ALK: variants seen among roughly 807,000 people sequenced by gnomAD.
ALK encodes the protein ALK receptor tyrosine kinase, also known as ALK tyrosine kinase receptor.
Under a neutral mutation model 163.1 loss-of-function variants are expected in ALK, and 74 were observed. The observed-to-expected ratio is 0.45, with a 90% CI of 0.38 to 0.55. The LOEUF is 0.55. Among genes scored for constraint, ALK ranks in the 20% least tolerant of loss-of-function variants. The pLI, the probability that ALK is intolerant of heterozygous loss-of-function variation, is 0.00. For missense variants in ALK, 2,063 were observed against 2,105.3 expected, an observed-to-expected ratio of 0.98 and a Z score of 0.39; for synonymous variants, 960 against 843.2, an observed-to-expected ratio of 1.14 and a Z score of -2.40.
chr2:29,327,620 T>G (rs969606646), intron 6 of ALK, among the ~76,000 whole-genome samples: 17 of 152,196 alleles, frequency 1.1e-4, no homozygotes, highest in African/African-American at 4.1e-4. Flanking sequence ...ATAAAAATGT[T>G]CTAAAATAAA....
At chr2:29,273,996 G>T (rs910987364) in intron 11 of ALK, among the ~76,000 whole-genome samples, 1 of 152,142 alleles carries the variant, frequency 6.6e-6, no homozygotes, top group Admixed American at 6.5e-5. Flanking sequence ...AATATACAAA[G>T]GTCTTTCATG....
intron 3 of ALK, among the ~76,000 whole-genome samples, chr2:29,590,543 A>G (rs1035710225): frequency 2.0e-5 from 3 of 152,114 alleles, no homozygotes; most frequent in Non-Finnish European, 4.4e-5. Context: ...CCTCCACCCT[A>G]GATATCTGAT....
chr2:29,480,898 C>G (rs867789347), intron 4 of ALK, among the ~76,000 whole-genome samples: 3 of 151,152 alleles, frequency 2.0e-5, no homozygotes, highest in Middle Eastern at 3.4e-3. Context: ...TTCACCAGGT[C>G]TGGGCAAGGC....
chr2:29,317,423 G>C (rs1558667110), intron 8 of ALK, among the ~76,000 whole-genome samples: 1 of 152,210 alleles, frequency 6.6e-6, no homozygotes, highest in Non-Finnish European at 1.5e-5. Flanking sequence ...GGAGCTTACA[G>C]TCTGATTTCT....
rs114481328 is a variant in ALK at position 29,642,724 on chromosome 2, A to G, written c.952+52126T>C. Among the ~76,000 whole-genome samples the G allele has an allele frequency of 4.4e-3, 670 of 152,306 alleles. 8 individuals are homozygous for G. The highest frequency in any genetic ancestry group is 0.014 in the African/African-American group (577 of 41,564). ...AGCTCTTCTTTAAAAAAAGAAAAAC[A>G]GGCAAATCAAAATAAGCAACAACAA... is the stretch of plus-strand genomic sequence containing the variant. On this transcript the variant is annotated intron_variant, in intron 3 of 28. Coordinates refer to ENST00000389048, the MANE Select transcript of ALK (RefSeq NM_004304.5).
At chr2:29,320,268 T>C (rs1399878980) in intron 7 of ALK, among the ~76,000 whole-genome samples, 1 of 151,598 alleles carries the variant, frequency 6.6e-6, no homozygotes, top group Non-Finnish European at 1.5e-5. Flanking sequence ...AGGGGTGAGG[T>C]AGGGGGATGG....
rs150136805 is a variant in ALK, at chr2:29,295,816, C to A, written c.1817+1072G>T. Among the ~76,000 whole-genome samples the A allele has an allele frequency of 1.8e-3, 269 of 152,336 alleles. 2 individuals are homozygous for A. Among genetic ancestry groups the A allele is most frequent in the African/African-American group, 6.2e-3 (258 of 41,570 alleles). On this transcript the variant is annotated intron_variant, in intron 9 of 28. Transcript: ENST00000389048. ...TTGATTGTGTTTTAGGAGTCTCAGG[C>A]AGAGGCTGCTGTGGGTTGTAAGGGT...
At chr2:29,760,227 A>G (rs1680662101) in intron 1 of ALK, among the ~76,000 whole-genome samples, 1 of 151,842 alleles carries the variant, frequency 6.6e-6, no homozygotes, top group Admixed American at 6.6e-5. Context: ...CCCTATATAC[A>G]CACTTCCTTT....
chr2:29,752,068 T>C (rs2148331479), intron 1 of ALK, among the ~76,000 whole-genome samples: 1 of 152,314 alleles, frequency 6.6e-6, no homozygotes, highest in Non-Finnish European at 1.5e-5. Flanking sequence ...ACCTTACCTG[T>C]ACTCTACAAA....
At chr2:29,773,689 T>C (rs149263301) in intron 1 of ALK, among the ~76,000 whole-genome samples, 2 of 152,230 alleles carry the variant, frequency 1.3e-5, no homozygotes, top group Non-Finnish European at 2.9e-5. Context: ...AACTGAAATA[T>C]TTATGGCATT....
At chr2:29,456,664 C>T in intron 4 of ALK, among the ~76,000 whole-genome samples, 1 of 152,096 alleles carries the variant, frequency 6.6e-6, no homozygotes, top group Admixed American at 6.5e-5. Context: ...TATGAATATA[C>T]TTAATGTCCC....
At chr2:29,223,938 G>A (rs1047508879) in intron 19 of ALK, 9 of 321,062 alleles carry the variant, frequency 2.8e-5, no homozygotes, top group African/African-American at 1.1e-4. Context: ...ATAACCCCAC[G>A]TGAACGAGGG....
At chr2:29,719,017 C>T (rs547473914) in intron 1 of ALK, among the ~76,000 whole-genome samples, 14 of 152,170 alleles carry the variant, frequency 9.2e-5, no homozygotes, top group African/African-American at 1.4e-4. Flanking sequence ...GGATAAACCC[C>T]ACTTCACACA....
At chr2:29,375,411 C>A (rs1248509200) in intron 5 of ALK, among the ~76,000 whole-genome samples, 1 of 152,134 alleles carries the variant, frequency 6.6e-6, no homozygotes, top group African/African-American at 2.4e-5. Flanking sequence ...CTCTGCCTCC[C>A]AGGTTCATGC....
chr2:29,491,007 C>A lies in ALK; in HGVS notation c.1154+40908G>T, dbSNP rs1048771921. Among the ~76,000 whole-genome samples, 11 of 152,262 alleles carry A rather than the reference C, an allele frequency of 7.2e-5. No homozygotes were observed. The East Asian group carries it at 1.7e-3, about 24-fold the overall frequency. ...ATGCTACATTTCAGTGAGAAGTAAT[C>A]AAAATAAAAATGTCATTCTTTCCAT... On this transcript the variant is annotated intron_variant, in intron 4 of 28. Coordinates refer to ENST00000389048, the MANE Select transcript of ALK (RefSeq NM_004304.5).
At chr2:29,507,015 A>C (rs1672345428) in intron 4 of ALK, among the ~76,000 whole-genome samples, 1 of 152,186 alleles carries the variant, frequency 6.6e-6, no homozygotes, top group Non-Finnish European at 1.5e-5. Context: ...CAGCAATTCC[A>C]CTTCTAGGTA....
chr2:29,507,520 G>A (rs1558356776), intron 4 of ALK, among the ~76,000 whole-genome samples: 1 of 152,166 alleles, frequency 6.6e-6, no homozygotes, highest in Non-Finnish European at 1.5e-5. Flanking sequence ...AGATGATTAA[G>A]ATGGTAAATT....
At chr2:29,272,611 G>C (rs1189905170) in intron 11 of ALK, among the ~76,000 whole-genome samples, 1 of 152,186 alleles carries the variant, frequency 6.6e-6, no homozygotes, top group Non-Finnish European at 1.5e-5. Flanking sequence ...GTTCTCTAAA[G>C]CCTGCCCGGA....
At chr2:29,815,493 G>A (rs1007888835) in intron 1 of ALK, among the ~76,000 whole-genome samples, 2 of 152,006 alleles carry the variant, frequency 1.3e-5, no homozygotes, top group Non-Finnish European at 2.9e-5. Flanking sequence ...ACTCTGCGCC[G>A]GGCCCCTTCT....
Sources: allele counts gnomAD v4.1 joint callset (sites outside exome capture counted in the v4.1 genomes callset), GRCh38; gene constraint gnomAD v4.1.1; transcripts MANE v1.5; gene names NCBI Gene and HGNC (gene_info 2026-07-23, HGNC 2026-07-21).